Variants in SNX27 observed in about 807,000 individuals in gnomAD.
SNX27 encodes sorting nexin-27.
SNX27 carries 22 observed loss-of-function variants against 71.6 expected under a neutral mutation model. That is an observed-to-expected ratio of 0.31 (90% CI 0.22 to 0.44). The LOEUF (loss-of-function observed/expected upper bound fraction) is 0.44, where lower values mean the gene tolerates loss of function less well. SNX27 is among the 20% of genes least tolerant of loss of function. SNX27 has a pLI of 1.00. For missense variants in SNX27, 531 were observed against 698.6 expected (o/e 0.76, Z 2.70); for synonymous variants, 269 against 277.2 (o/e 0.97, Z 0.29).
In SNX27 at chr1:151,662,161, C is replaced by A; in HGVS notation, c.802-5C>A. Reference sequence around the variant, plus strand: ...TAAATTATTTCTCTATGTCTTTTCCCCCAGAACTACAATGGTGTGTCCGAC... The same window carrying A: ...TAAATTATTTCTCTATGTCTTTTCCACCAGAACTACAATGGTGTGTCCGAC... On this transcript the variant is annotated splice_region_variant and splice_polypyrimidine_tract_variant and intron_variant, in intron 4 of 11. Transcript: ENST00000458013. The A allele has an allele frequency of 6.2e-7, 1 of 1,607,946 alleles. No individual in the cohort carries two copies. Among genetic ancestry groups the A allele is most frequent in the African/African-American group, 1.3e-5 (1 of 74,864 alleles).
At chr1:151,659,215 A>G (rs1010671190) in intron 3 of SNX27, among the ~76,000 whole-genome samples, 2 of 152,066 alleles carry the variant, frequency 1.3e-5, no homozygotes, top group South Asian at 4.1e-4. Context: ...AAAGGTAGAT[A>G]CTAATACTTC....
At chr1:151,663,722 T>A (rs892782665) in intron 5 of SNX27, among the ~76,000 whole-genome samples, 1 of 152,240 alleles carries the variant, frequency 6.6e-6, no homozygotes, top group Non-Finnish European at 1.5e-5. Context: ...ATACTTTATA[T>A]TGCTTCTCAA....
chr1:151,647,299 G>A (rs1669093155), intron 2 of SNX27, among the ~76,000 whole-genome samples: 1 of 151,966 alleles, frequency 6.6e-6, no homozygotes, highest in African/African-American at 2.4e-5. Flanking sequence ...ACACGTGTAA[G>A]CCACCATACT....
chr1:151,679,073 T>C (rs1322259434), intron 7 of SNX27: 1 of 152,202 alleles, frequency 6.6e-6, no homozygotes, highest in African/African-American at 2.4e-5. Context: ...AGTAAACAAC[T>C]GTATCTTTTG....
rs772609394 is a variant in SNX27 at position 151,660,856 on chromosome 1, C to A, written c.795C>A (p.Ser265=). Residue 265 remains serine, a synonymous_variant, in exon 4 of 12, where the codon TCC becomes TCA. Transcript: ENST00000458013. ...SDIMQEFLSE[S]DENYNGVSDV... is the part of the protein sequence containing the mutation. ...TCATGCAGGAATTCCTATCAGAATCCGATGAGGTAGGTGAATATCTCTTTT... is the reference window on the plus strand; with the variant it reads ...TCATGCAGGAATTCCTATCAGAATCAGATGAGGTAGGTGAATATCTCTTTT... 2.1e-5 allele frequency: 33 copies of A among 1,608,864 alleles called. No homozygotes were observed. In the East Asian group the frequency reaches 5.4e-4, roughly 26 times the overall value.
At chr1:151,687,178 T>C (rs1057479688) in intron 8 of SNX27, among the ~76,000 whole-genome samples, 1 of 152,238 alleles carries the variant, frequency 6.6e-6, no homozygotes, top group African/African-American at 2.4e-5. Flanking sequence ...ATGTGTAAAT[T>C]ATGCTTTTCT....
chr1:151,652,557 C>T (rs1558054578), intron 2 of SNX27, among the ~76,000 whole-genome samples: 1 of 151,418 alleles, frequency 6.6e-6, no homozygotes, highest in Non-Finnish European at 1.5e-5. Flanking sequence ...TACAGGCAGC[C>T]GCTACCACGC....
chr1:151,686,064 A>G (rs1011692849), intron 8 of SNX27, among the ~76,000 whole-genome samples: 3 of 152,246 alleles, frequency 2.0e-5, no homozygotes, highest in African/African-American at 7.2e-5. Context: ...CCAAATACTA[A>G]CAGGCCATCA....
At chr1:151,653,191 G>A (rs1049166483) in intron 2 of SNX27, among the ~76,000 whole-genome samples, 5 of 152,174 alleles carry the variant, frequency 3.3e-5, no homozygotes, top group African/African-American at 1.2e-4. Flanking sequence ...CTCCCAAAAT[G>A]CTGGGATTAC....
rs766981901 is a variant in SNX27, at chr1:151,612,286, CACTGCGCCGGGA to C, written c.88_99del (p.Cys30_Asn33del). On this transcript the variant is annotated inframe_deletion, in exon 1 of 12. Coordinates refer to ENST00000458013, the MANE Select transcript of SNX27 (RefSeq NM_001330723.2). The surrounding 1 kb of genome is among the most constrained non-coding windows in gnomAD (Gnocchi z 5.2). ...CGGCGGCGGCGGGGGGTCTGGGCTCCACTGCGCCGGGAACGGCGGCGGGGGAGGCGGCGGCCC... is the reference window on the plus strand; with the variant it reads ...CGGCGGCGGCGGGGGGTCTGGGCTCCACGGCGGCGGGGGAGGCGGCGGCCC... 58 of 1,505,170 alleles carry C rather than the reference CACTGCGCCGGGA, an allele frequency of 3.9e-5. No homozygotes were observed. The highest frequency in any genetic ancestry group is 4.8e-5 in the Non-Finnish European group (54 of 1,129,404). The allele number at this position is 1,505,170 out of a possible 1,614,324, so 93.2% of individuals were successfully genotyped here.
Position 151,695,047 on chromosome 1 carries a change from C to T in SNX27, c.*630C>T, listed in dbSNP as rs1374693693. ...TTACAACCTGCTTGGATTTTTGCCC[C>T]TTTTTTTGTATTGAGTATAGATTCC... is the stretch of plus-strand genomic sequence containing the variant. On this transcript the variant is annotated 3_prime_UTR_variant, in exon 12 of 12. Coordinates refer to ENST00000458013, the MANE Select transcript of SNX27 (RefSeq NM_001330723.2). The T allele has an allele frequency of 6.6e-6, 1 of 152,476 alleles. No individual in the cohort carries two copies. Among genetic ancestry groups the T allele is most frequent in the African/African-American group, 2.4e-5 (1 of 41,392 alleles). 9.4% of individuals were successfully genotyped at this position (152,476 alleles called of 1,614,324 possible). A position where few individuals can be genotyped will look rare whatever the true frequency, so the allele number is the denominator to read the frequency against.
chr1:151,675,775 T>TTCCC (rs201978498), intron 7 of SNX27: 10 of 146,908 alleles, frequency 6.8e-5, no homozygotes, highest in East Asian at 2.0e-4. Flanking sequence ...CTTTCTTTCT[T>TTCCC]TCCCTCCCTC....
chr1:151,659,871 A>C (rs1039595141), intron 3 of SNX27: 4 of 152,246 alleles, frequency 2.6e-5, no homozygotes, highest in African/African-American at 9.6e-5. Context: ...TTTTCTCTAA[A>C]ATACTGGCTT....
At chr1:151,683,754 C>A (rs1466892900) in intron 8 of SNX27, among the ~76,000 whole-genome samples, 1 of 152,118 alleles carries the variant, frequency 6.6e-6, no homozygotes, top group African/African-American at 2.4e-5. Flanking sequence ...GCAACCTTTG[C>A]CTCCTGGGTT....
intron 7 of SNX27, among the ~76,000 whole-genome samples, chr1:151,674,213 T>C (rs903965144): frequency 6.6e-6 from 1 of 152,140 alleles, no homozygotes; most frequent in African/African-American, 2.4e-5. Context: ...ATTTGTTGTA[T>C]GTTTGTAGGT....
At chr1:151,625,119 C>T (rs1558036009) in intron 1 of SNX27, among the ~76,000 whole-genome samples, 2 of 152,118 alleles carry the variant, frequency 1.3e-5, no homozygotes, top group African/African-American at 2.4e-5. Context: ...AATTAACATA[C>T]TTCTCAGTTT....
At chr1:151,665,789 G>T in intron 5 of SNX27, 144 bp from the exon 6 acceptor site, 1 of 568,800 alleles carries the variant, frequency 1.8e-6, no homozygotes, top group Non-Finnish European at 3.2e-6. Flanking sequence ...AAGAAGGATA[G>T]CTATGGACCA....
At chr1:151,632,153 G>A (rs1422211241) in intron 1 of SNX27, among the ~76,000 whole-genome samples, 1 of 151,476 alleles carries the variant, frequency 6.6e-6, no homozygotes, top group African/African-American at 2.4e-5. Flanking sequence ...ATAATTTGTT[G>A]CGGAGGTTGT....
intron 2 of SNX27, among the ~76,000 whole-genome samples, chr1:151,654,806 C>A (rs372270116): frequency 2.6e-5 from 4 of 152,220 alleles, no homozygotes; most frequent in African/African-American, 9.6e-5. Flanking sequence ...GATAAATAAC[C>A]CACTGCCTCA....
Sources: allele counts gnomAD v4.1 joint callset (sites outside exome capture counted in the v4.1 genomes callset), GRCh38; gene constraint gnomAD v4.1.1; non-coding constraint Gnocchi (gnomAD v3.1); transcripts MANE v1.5; gene names NCBI Gene and HGNC (gene_info 2026-07-23, HGNC 2026-07-21).